DSCAML1: variants seen among roughly 807,000 people sequenced by gnomAD.
DSCAML1 encodes cell adhesion molecule DSCAML1.
A neutral mutation model predicts 200.5 loss-of-function variants in DSCAML1; 38 were observed. The observed-to-expected ratio is 0.19, with a 90% confidence interval of 0.15 to 0.25. The LOEUF (loss-of-function observed/expected upper bound fraction) is 0.25, where lower values mean the gene tolerates loss of function less well. Ranked by LOEUF, DSCAML1 falls within the 10% of genes least tolerant of loss-of-function variation. The probability of loss-of-function intolerance (pLI) is 1.00; values close to 1 mark genes in which losing one functional copy is unlikely to be tolerated. For missense variants in DSCAML1, 2,223 were observed against 2,858.8 expected (o/e 0.78, Z 5.07); for synonymous variants, 1,215 against 1,165.0 (o/e 1.04, Z -0.87).
At position 117,503,863 on chromosome 11, in the gene DSCAML1, T is replaced by C; in HGVS notation, c.2341A>G (p.Met781Val). The C allele has an allele frequency of 6.2e-7, 1 of 1,614,014 alleles. No individual in the cohort carries two copies. Among genetic ancestry groups the C allele is most frequent in the Non-Finnish European group, 8.5e-7 (1 of 1,179,998 alleles). Residue 781 changes from methionine to valine, a missense_variant, in exon 11 of 33, where the codon ATG (methionine) becomes GTG (valine). This residue lies in a region of DSCAML1 where 438 missense variants were observed against 629.7 expected (regional missense o/e 0.70). Transcript: ENST00000651296. This position sits in a 1 kb window ranked among gnomAD's most constrained non-coding sequence, Gnocchi z 5.2. ...GACTCACTCTTGACTGTGAGGAACATGGACTTGCTGATGTCGGTGCCTACG... is the reference window on the plus strand; with the variant it reads ...GACTCACTCTTGACTGTGAGGAACACGGACTTGCTGATGTCGGTGCCTACG... ...NGVGTDISKS[M>V]FLTVKIPAMI...
At chr11:117,507,961 C>T (rs1592678475) in intron 8 of DSCAML1, among the ~76,000 whole-genome samples, 1 of 152,188 alleles carries the variant, frequency 6.6e-6, no homozygotes, top group East Asian at 1.9e-4. Flanking sequence ...AGCAATGGCT[C>T]AATGCCCATT....
chr11:117,736,186 G>A (rs1763351699), intron 3 of DSCAML1, among the ~76,000 whole-genome samples: 1 of 152,212 alleles, frequency 6.6e-6, no homozygotes, highest in Non-Finnish European at 1.5e-5. Context: ...TCTCTCATGA[G>A]ACTGTGCAGC....
At chr11:117,551,062 C>T (rs1407863292) in intron 3 of DSCAML1, among the ~76,000 whole-genome samples, 3 of 152,138 alleles carry the variant, frequency 2.0e-5, no homozygotes, top group Admixed American at 6.6e-5. Context: ...TTTCCTGCCC[C>T]CTCTTCTCAG....
chr11:117,757,259 C>T (rs2054709863), intron 3 of DSCAML1, among the ~76,000 whole-genome samples: 1 of 152,150 alleles, frequency 6.6e-6, no homozygotes, highest in Non-Finnish European at 1.5e-5. Flanking sequence ...ACATATTTGA[C>T]AATTTAGAAA....
intron 14 of DSCAML1, among the ~76,000 whole-genome samples, chr11:117,477,196 T>TACACACAC (rs1278897567): frequency 1.2e-5 from 1 of 83,754 alleles, no homozygotes; most frequent in Non-Finnish European, 2.2e-5. Flanking sequence ...AAGCTGTCCT[T>TACACACAC]AGACACACAC....
chr11:117,443,979 G>A lies in DSCAML1; in HGVS notation c.3769C>T (p.Arg1257Cys), dbSNP rs767351865. Residue 1257 changes from arginine to cysteine, a missense_variant, in exon 21 of 33, where the codon CGC becomes TGC. Arg to Cys is a radical substitution (Grantham distance 180, BLOSUM62 -3). Transcript: ENST00000651296. ...QLFYRIAHLN[R>C]GQQYLLWVAA... is the part of the protein sequence containing the mutation. ...ACCCACAGCAGATACTGCTGACCGC[G>A]GTTTAGGTGGGCGATCCGGTAGAAG... 2.5e-6 allele frequency: 4 copies of A among 1,613,928 alleles called. No homozygotes were observed. The highest frequency in any genetic ancestry group is 3.3e-5 in the Admixed American group (2 of 60,010).
chr11:117,514,640 T>C (rs2049720444), intron 8 of DSCAML1, among the ~76,000 whole-genome samples: 2 of 137,712 alleles, frequency 1.5e-5, no homozygotes, highest in African/African-American at 5.5e-5. Flanking sequence ...TGGAGTGCAA[T>C]GGCACGATCT....
At chr11:117,565,025 CAA>C (rs1047068880) in intron 3 of DSCAML1, among the ~76,000 whole-genome samples, 1 of 152,180 alleles carries the variant, frequency 6.6e-6, no homozygotes, top group African/African-American at 2.4e-5. Context: ...CTCGGCCTCC[CAA>C]AGTGTTGGGA....
At chr11:117,669,775 T>G (rs1165349197) in intron 3 of DSCAML1, among the ~76,000 whole-genome samples, 1 of 152,220 alleles carries the variant, frequency 6.6e-6, no homozygotes, top group Admixed American at 6.5e-5. Context: ...GCTTTCCAGC[T>G]GAAGGAACAT....
chr11:117,625,983 A>G (rs1207515653), intron 3 of DSCAML1, among the ~76,000 whole-genome samples: 1 of 152,218 alleles, frequency 6.6e-6, no homozygotes, highest in Non-Finnish European at 1.5e-5. Context: ...TGGTCTGGAC[A>G]TCGGTGGAGG....
Position 117,439,390 on chromosome 11 carries a change from C to G in DSCAML1, c.4020G>C (p.Arg1340=), listed in dbSNP as rs140948944. The G allele has an allele frequency of 3.1e-6, 5 of 1,613,732 alleles. No individual in the cohort carries two copies. Among genetic ancestry groups the G allele is most frequent in the Middle Eastern group, 3.3e-4 (2 of 5,974 alleles). Residue 1340 remains arginine (R), a synonymous_variant, in exon 23 of 33, where the codon CGG becomes CGC. Coordinates refer to ENST00000651296, the MANE Select transcript of DSCAML1 (RefSeq NM_020693.4). ...SAIPVSMDGH[R]LIHTNGTLLL... ...GCAGTGTGCCATTGGTGTGGATGAGCCGGTGCCCATCCATGGACACTGGAA... is the reference window on the plus strand; with the variant it reads ...GCAGTGTGCCATTGGTGTGGATGAGGCGGTGCCCATCCATGGACACTGGAA...
At chr11:117,659,019 TCTC>T in intron 3 of DSCAML1, among the ~76,000 whole-genome samples, 1 of 152,128 alleles carries the variant, frequency 6.6e-6, no homozygotes, top group Non-Finnish European at 1.5e-5. Flanking sequence ...GACACCTCCC[TCTC>T]CTCTGACCCA....
In DSCAML1 at chr11:117,708,387, C is replaced by T. The variant is rs1002153318; in HGVS notation, c.511+68404G>A. On this transcript the variant is annotated intron_variant, in intron 3 of 32. Transcript: ENST00000651296. The stretch of plus-strand genomic sequence containing the variant: ...GTGTTCCCTGATGCAGAATCTCAAA[C>T]GATCTTAGGAACTTAAAGTCTTCCT... Among the ~76,000 whole-genome samples, 7 of 152,320 alleles carry T rather than the reference C, an allele frequency of 4.6e-5. No homozygotes were observed. The South Asian group carries it at 1.0e-3, about 23-fold the overall frequency.
intron 3 of DSCAML1, among the ~76,000 whole-genome samples, chr11:117,600,601 G>A (rs888594701): frequency 6.6e-6 from 1 of 152,208 alleles, no homozygotes; most frequent in South Asian, 2.1e-4. Context: ...CCAGAGGAGG[G>A]AGGAGGAGGT....
In DSCAML1 at chr11:117,765,289, A is replaced by C. The variant is rs1459879321; in HGVS notation, c.511+11502T>G. Among the ~76,000 whole-genome samples, 4 of 152,200 alleles carry C rather than the reference A, an allele frequency of 2.6e-5. No individual in the cohort carries two copies. In the East Asian group the frequency reaches 7.7e-4, roughly 29 times the overall value. On this transcript the variant is annotated intron_variant, in intron 3 of 32. Transcript: ENST00000651296. ...ACAGAGACCCGTATTTAAGTTCCAG[A>C]GGCTTCTGCACACAGCAAGATGCCA...
intron 3 of DSCAML1, among the ~76,000 whole-genome samples, chr11:117,562,406 G>A (rs1262108322): frequency 2.0e-5 from 3 of 152,220 alleles, no homozygotes; most frequent in Non-Finnish European, 4.4e-5. Flanking sequence ...CACGTCTTCT[G>A]TGTGCCTTTC....
chr11:117,781,813 TC>T (rs1410705954), intron 1 of DSCAML1, among the ~76,000 whole-genome samples: 1 of 152,230 alleles, frequency 6.6e-6, no homozygotes, highest in Admixed American at 6.5e-5. Context: ...GGGAGAATGT[TC>T]TTATGATTAC....
chr11:117,568,344 A>G (rs1435110405), intron 3 of DSCAML1, among the ~76,000 whole-genome samples: 2 of 152,172 alleles, frequency 1.3e-5, no homozygotes, highest in Non-Finnish European at 2.9e-5. Context: ...CACCACTCCT[A>G]TTCAACATAG....
intron 3 of DSCAML1, among the ~76,000 whole-genome samples, chr11:117,657,363 G>C (rs531902085): frequency 7.9e-5 from 12 of 152,292 alleles, no homozygotes; most frequent in African/African-American, 2.9e-4. Context: ...AGTAAGAACA[G>C]GGAAACAGAA....
Sources: gnomAD v4.1 joint callset for allele counts (sites outside exome capture counted in the v4.1 genomes callset) on GRCh38, gnomAD v4.1.1 for gene constraint, gnomAD v4.1.1 regional missense constraint, Gnocchi (gnomAD v3.1) non-coding constraint, MANE v1.5 for transcripts, NCBI Gene and HGNC (gene_info 2026-07-23, HGNC 2026-07-21) for gene names.